Variants in SPINK5 observed in about 807,000 individuals in gnomAD.
The protein encoded by SPINK5 is serine protease inhibitor Kazal-type 5.
SPINK5 carries 125 observed loss-of-function variants against 151.8 expected under a neutral mutation model. The observed-to-expected ratio is 0.82, with a 90% CI of 0.71 to 0.96. SPINK5 has a LOEUF of 0.96. SPINK5 is among the 40% of genes least tolerant of loss of function. The pLI is 0.00. For synonymous variants in SPINK5, 374 were observed against 395.3 expected (o/e 0.95, Z 0.64); for missense variants, 1,194 against 1,291.9 (o/e 0.92, Z 1.16).
In SPINK5 at chr5:148,112,934, G is replaced by C. The variant is rs772652367; in HGVS notation, c.1887G>C (p.Lys629Asn). Residue 629 changes from lysine (K) to asparagine (N), a missense_variant and splice_region_variant, in exon 20 of 33, where the codon AAG (lysine) becomes AAC (asparagine). Physicochemically the swap from Lys to Asn is moderately conservative, Grantham distance 94. Transcript: ENST00000256084. ...PRAKVKREAE[K>N]ETCDEFRRLL... ...CAAAAGTCAAAAGAGAAGCTGAAAA[G>C]GTAGTAATCCTGAATGTTTATACTG... The C allele has an allele frequency of 6.2e-5, 100 of 1,613,510 alleles. No homozygotes were observed. The highest frequency in any genetic ancestry group is 8.1e-5 in the Non-Finnish European group (95 of 1,179,800).
Position 148,107,110 on chromosome 5 carries a change from G to T in SPINK5, c.1553G>T (p.Arg518Leu), listed in dbSNP as rs576310290. ...TGCACCAGGGAGCATAATCCTGTCC[G>T]TGGCCCAGATGGCAAAATGCATGGA... ...LICTREHNPV[R>L]GPDGKMHGNK... Residue 518 changes from arginine (R) to leucine (L), a missense_variant, in exon 17 of 33, where the codon CGT becomes CTT. By Grantham distance (102) the Arg-to-Leu change is moderately radical. Coordinates refer to ENST00000256084, the MANE Select transcript of SPINK5 (RefSeq NM_006846.4). 5.6e-6 allele frequency: 9 copies of T among 1,613,268 alleles called. No individual in the cohort carries two copies. The highest frequency in any genetic ancestry group is 7.6e-6 in the Non-Finnish European group (9 of 1,179,524).
At chr5:148,089,459 T>G in intron 6 of SPINK5, 35 bp from the exon 7 acceptor site, 1 of 1,602,658 alleles carries the variant, frequency 6.2e-7, no homozygotes, top group Non-Finnish European at 8.5e-7. Flanking sequence ...CATTACAATC[T>G]TGGTAAGTTT....
Position 148,111,859 on chromosome 5 carries a change from T to A in SPINK5, c.1784T>A (p.Ile595Asn). The A allele has an allele frequency of 6.2e-7, 1 of 1,613,908 alleles. No homozygotes were observed. Among genetic ancestry groups the A allele is most frequent in the Non-Finnish European group, 8.5e-7 (1 of 1,179,896 alleles). Residue 595 changes from isoleucine (I) to asparagine (N), a missense_variant, in exon 19 of 33, where the codon ATC becomes AAC. Physicochemically the swap from Ile to Asn is moderately radical, Grantham distance 149 (BLOSUM62 -3). Coordinates refer to ENST00000256084, the MANE Select transcript of SPINK5 (RefSeq NM_006846.4). ...CCTATTGAGGGTCTAGATGGGAAAA[T>A]CCACGGCAACACCTGCTCCATGTGT... Reference protein sequence around the residue: ...NDPIEGLDGKIHGNTCSMCEA... With the variant: ...NDPIEGLDGKNHGNTCSMCEA...
chr5:148,120,441 T>C (rs1754227883), intron 26 of SPINK5, 50 bp downstream of exon 26: 1 of 1,550,180 alleles, frequency 6.5e-7, no homozygotes, highest in Non-Finnish European at 8.8e-7. Flanking sequence ...GTTCATTGTA[T>C]GGTATATTTA....
At chr5:148,136,953 A>G (rs1754709696) in intron 32 of SPINK5, 30 bp from the exon 33 acceptor site, 3 of 1,613,584 alleles carry the variant, frequency 1.9e-6, no homozygotes, top group Non-Finnish European at 2.5e-6. Flanking sequence ...TCTGGGTTCT[A>G]GCATCTAACC....
intron 18 of SPINK5, among the ~76,000 whole-genome samples, 192 bp downstream of exon 18, chr5:148,109,029 T>C (rs1018476294): frequency 6.6e-6 from 1 of 151,820 alleles, no homozygotes; most frequent in African/African-American, 2.4e-5. Flanking sequence ...TATTAATTGC[T>C]CGTGCAGGAG....
intron 16 of SPINK5, among the ~76,000 whole-genome samples, chr5:148,105,804 A>G (rs572031126): frequency 1.5e-4 from 17 of 110,026 alleles, no homozygotes; most frequent in Middle Eastern, 4.1e-3. Flanking sequence ...TTTTTTTTTT[A>G]GTAGAAATGG....
chr5:148,080,173 T>G (rs1383160950), intron 4 of SPINK5, among the ~76,000 whole-genome samples: 2 of 151,154 alleles, frequency 1.3e-5, no homozygotes, highest in Non-Finnish European at 3.0e-5. Context: ...GGAAATGAAT[T>G]TAACAAAATG....
chr5:148,130,968 C>T (rs1754555578), intron 30 of SPINK5, among the ~76,000 whole-genome samples: 2 of 152,094 alleles, frequency 1.3e-5, no homozygotes, highest in South Asian at 4.1e-4. Context: ...TAGATTTCTT[C>T]TTATGGGCAG....
chr5:148,121,922 A>T (rs1420589307), intron 26 of SPINK5, among the ~76,000 whole-genome samples: 1 of 151,882 alleles, frequency 6.6e-6, no homozygotes, highest in Non-Finnish European at 1.5e-5. Context: ...GAGCTATGAT[A>T]GCATTATTGC....
At chr5:148,118,961 G>C in intron 23 of SPINK5, 25 bp from the exon 24 acceptor site, 1 of 1,609,636 alleles carries the variant, frequency 6.2e-7, no homozygotes, top group Non-Finnish European at 8.5e-7. Context: ...TTAACAAGAT[G>C]AATATTCACT....
intron 4 of SPINK5, among the ~76,000 whole-genome samples, chr5:148,072,833 G>A (rs1333235628): frequency 6.7e-6 from 1 of 148,928 alleles, no homozygotes; most frequent in Non-Finnish European, 1.5e-5. Context: ...AGGGACTCAG[G>A]CTAATATTTT....
At chr5:148,094,837 C>G (rs7706457) in intron 9 of SPINK5, among the ~76,000 whole-genome samples, 6 of 151,864 alleles carry the variant, frequency 4.0e-5, no homozygotes, top group Admixed American at 1.3e-4. Context: ...AGTAATTATC[C>G]CATGGTAACA....
intron 26 of SPINK5, among the ~76,000 whole-genome samples, chr5:148,122,712 T>TTC (rs1754301996): frequency 6.6e-6 from 1 of 152,320 alleles, no homozygotes; most frequent in Non-Finnish European, 1.5e-5. Flanking sequence ...GTTAGCAGGT[T>TTC]TCTGATCACA....
In SPINK5 at chr5:148,116,406, G is replaced by A. The variant is rs371950840; in HGVS notation, c.2052G>A (p.Glu684=). The part of the protein sequence containing the change: ...KENEERKRKE[E]EDQRNAAGHG... ...ATGAGGAAAGAAAGAGGAAAGAAGA[G>A]GAAGATCAGAGAAATGCTGCAGGAC... Residue 684 remains glutamate (E), a synonymous_variant, in exon 22 of 33, where the codon GAG becomes GAA. Transcript: ENST00000256084. The A allele has an allele frequency of 3.1e-6, 5 of 1,614,148 alleles. No homozygotes were observed. Among genetic ancestry groups the A allele is most frequent in the Non-Finnish European group, 4.2e-6 (5 of 1,179,992 alleles).
Position 148,099,335 on chromosome 5 carries a change from T to G in SPINK5, c.1092+20T>G. On this transcript the variant is annotated intron_variant, in intron 12 of 32. Transcript: ENST00000256084. Reference sequence around the variant, plus strand: ...TATGCAGTGAGTGGAATCCATCCAATAAATCCTATTTGGTGCTATAATTTG... The same window carrying G: ...TATGCAGTGAGTGGAATCCATCCAAGAAATCCTATTTGGTGCTATAATTTG... 5.0e-6 allele frequency: 8 copies of G among 1,606,650 alleles called. No homozygotes were observed. The highest frequency in any genetic ancestry group is 6.0e-6 in the Non-Finnish European group (7 of 1,174,494).
chr5:148,123,517 A>ATG (rs1196649523), intron 26 of SPINK5, among the ~76,000 whole-genome samples: 10 of 17,536 alleles, frequency 5.7e-4, no homozygotes, highest in African/African-American at 1.2e-3. Context: ...GGTGCAATAT[A>ATG]TGTGTATATA....
chr5:148,089,369 C>T, intron 6 of SPINK5, 125 bp from the exon 7 acceptor site: 3 of 1,249,114 alleles, frequency 2.4e-6, no homozygotes, highest in South Asian at 2.4e-5. Flanking sequence ...TACATCTACA[C>T]AGCTGGTACT....
In SPINK5 at chr5:148,125,888, G is replaced by A. The variant is rs745683085; in HGVS notation, c.2867+38G>A. 7.4e-6 allele frequency: 12 copies of A among 1,613,814 alleles called. No homozygotes were observed. In the Admixed American group the frequency reaches 1.7e-4, roughly 22 times the overall value. On this transcript the variant is annotated intron_variant, in intron 29 of 32. Transcript: ENST00000256084. The stretch of plus-strand genomic sequence containing the variant: ...ATTCTGCTCCCCCTGTAGCTAGCAG[G>A]GGAACTGCATTTTTAGAAACTGCTG...
Sources: allele counts gnomAD v4.1 joint callset (sites outside exome capture counted in the v4.1 genomes callset), GRCh38; gene constraint gnomAD v4.1.1; transcripts MANE v1.5; gene names NCBI Gene and HGNC (gene_info 2026-07-23, HGNC 2026-07-21).